Variants in ATP6V1A observed in about 807,000 individuals in gnomAD.
ATP6V1A encodes ATPase H+ transporting V1 subunit A, also known as V-type proton ATPase catalytic subunit A.
A neutral mutation model predicts 70.1 loss-of-function variants in ATP6V1A; 18 were observed. The ratio of observed to expected loss-of-function variants is 0.26; its 90% confidence interval spans 0.18 to 0.38. ATP6V1A has a LOEUF of 0.38. Ranked by LOEUF, ATP6V1A falls within the 10% of genes least tolerant of loss-of-function variation. The pLI is 1.00. For missense variants in ATP6V1A, 424 were observed against 772.4 expected (o/e 0.55, Z 5.35); for synonymous variants, 232 against 253.8 (o/e 0.91, Z 0.82).
intron 3 of ATP6V1A, among the ~76,000 whole-genome samples, chr3:113,783,924 A>G (rs1377222509): frequency 2.6e-5 from 4 of 152,154 alleles, no homozygotes; most frequent in Non-Finnish European, 5.9e-5. Flanking sequence ...ACTGAAATTA[A>G]TATTATTTTT....
At chr3:113,803,435 A>G (rs1463157239) in intron 12 of ATP6V1A, 148 bp from the exon 13 acceptor site, 5 of 637,550 alleles carry the variant, frequency 7.8e-6, no homozygotes, top group Non-Finnish European at 1.4e-5. Context: ...CAGTTTAAAA[A>G]GAACATCAAT....
chr3:113,754,942 G>A (rs574209476), intron 1 of ATP6V1A, among the ~76,000 whole-genome samples: 1 of 152,302 alleles, frequency 6.6e-6, no homozygotes, highest in Admixed American at 6.5e-5. Flanking sequence ...TGGATTTGTT[G>A]CATACTTAAA....
chr3:113,798,214 GT>G, intron 11 of ATP6V1A, 28 bp from the exon 12 acceptor site: 1 of 1,606,452 alleles, frequency 6.2e-7, no homozygotes, highest in Non-Finnish European at 8.5e-7. Flanking sequence ...AAAAATTACT[GT>G]TTTTGTGTGT....
intron 1 of ATP6V1A, among the ~76,000 whole-genome samples, chr3:113,762,120 G>C (rs1250382318): frequency 7.7e-6 from 1 of 130,332 alleles, no homozygotes; most frequent in African/African-American, 2.8e-5. Context: ...CCATTGCACT[G>C]CAGCCTGGGC....
intron 1 of ATP6V1A, among the ~76,000 whole-genome samples, chr3:113,768,657 G>T (rs1019375890): frequency 6.8e-6 from 1 of 147,390 alleles, no homozygotes; most frequent in Non-Finnish European, 1.5e-5. Flanking sequence ...GTGCAGTGGC[G>T]CAATCTCGGC....
At chr3:113,778,976 A>G (rs1349777403) in intron 2 of ATP6V1A, 141 bp downstream of exon 2, 2 of 495,268 alleles carry the variant, frequency 4.0e-6, no homozygotes, top group African/African-American at 2.0e-5. Context: ...TAGTGACTAT[A>G]AGACCGAAGT....
intron 1 of ATP6V1A, among the ~76,000 whole-genome samples, chr3:113,771,274 TAAAG>T (rs937657094): frequency 6.6e-6 from 1 of 152,086 alleles, no homozygotes; most frequent in African/African-American, 2.4e-5. Context: ...TCACAGATAA[TAAAG>T]AAGAGTTATA....
intron 1 of ATP6V1A, among the ~76,000 whole-genome samples, chr3:113,771,494 G>T (rs1252715014): frequency 7.0e-6 from 1 of 142,962 alleles, no homozygotes; most frequent in African/African-American, 2.7e-5. Flanking sequence ...CTGGTGTGCA[G>T]TGACGTGATC....
chr3:113,799,507 C>G (rs945599192), intron 12 of ATP6V1A, among the ~76,000 whole-genome samples: 4 of 152,152 alleles, frequency 2.6e-5, no homozygotes, highest in Non-Finnish European at 4.4e-5. Context: ...CATTTAAAAA[C>G]TAGGATTAAG....
chr3:113,766,902 C>T (rs1708778039), intron 1 of ATP6V1A, among the ~76,000 whole-genome samples: 1 of 152,074 alleles, frequency 6.6e-6, no homozygotes, highest in African/African-American at 2.4e-5. Flanking sequence ...TTATTTATTA[C>T]ATACCTAGGT....
intron 1 of ATP6V1A, among the ~76,000 whole-genome samples, chr3:113,763,733 A>G (rs1375021620): frequency 6.6e-6 from 1 of 152,160 alleles, no homozygotes. Context: ...CTGTCCTGCA[A>G]TTTCTGGAAT....
chr3:113,765,021 A>G (rs1287064805), intron 1 of ATP6V1A, among the ~76,000 whole-genome samples: 2 of 149,280 alleles, frequency 1.3e-5, no homozygotes, highest in Admixed American at 6.7e-5. Flanking sequence ...AAAAAGCAGG[A>G]ATTTCTTACC....
intron 1 of ATP6V1A, among the ~76,000 whole-genome samples, chr3:113,770,568 A>G (rs1452214246): frequency 3.3e-5 from 5 of 152,024 alleles, no homozygotes; most frequent in Admixed American, 6.5e-5. Context: ...AGTCCCAGCT[A>G]CTTGGGAGGC....
At chr3:113,766,317 A>G (rs982020041) in intron 1 of ATP6V1A, among the ~76,000 whole-genome samples, 4 of 151,784 alleles carry the variant, frequency 2.6e-5, no homozygotes, top group Non-Finnish European at 4.4e-5. Flanking sequence ...GCTTCCCTTG[A>G]GACAGTCTCG....
In ATP6V1A at chr3:113,784,299, G is replaced by C; in HGVS notation, c.287G>C (p.Gly96Ala). The C allele has an allele frequency of 6.2e-7, 1 of 1,614,136 alleles. No homozygotes were observed. Among genetic ancestry groups the C allele is most frequent in the Non-Finnish European group, 8.5e-7 (1 of 1,180,002 alleles). ...GTAGAGCTTGGTCCTGGCATTATGG[G>C]AGCCATTTTTGATGGTATTCAAAGA... ...LSVELGPGIM[G>A]AIFDGIQRPL... is the part of the protein sequence containing the mutation. Residue 96 changes from glycine to alanine, a missense_variant, in exon 4 of 15, where the codon GGA (glycine) becomes GCA (alanine). Coordinates refer to ENST00000273398, the MANE Select transcript of ATP6V1A (RefSeq NM_001690.4).
intron 8 of ATP6V1A, among the ~76,000 whole-genome samples, chr3:113,790,465 T>A (rs1559757937): frequency 6.6e-6 from 1 of 152,178 alleles, no homozygotes; most frequent in Non-Finnish European, 1.5e-5. Flanking sequence ...TAAATATACT[T>A]GTACCTTTGT....
At position 113,765,420 on chromosome 3, in the gene ATP6V1A, T is replaced by C. The variant is rs568175901; in HGVS notation, c.-13-13321T>C. Among the ~76,000 whole-genome samples the C allele has an allele frequency of 4.6e-3, 656 of 143,376 alleles. 7 individuals carry two copies. Among genetic ancestry groups the C allele is most frequent in the South Asian group, 0.018 (82 of 4,464 alleles). The allele number at this position is 143,376 out of a possible 152,430, so 94.1% of individuals were successfully genotyped here. A position where few individuals can be genotyped will look rare whatever the true frequency, so the allele number is the denominator to read the frequency against. The stretch of plus-strand genomic sequence containing the variant: ...AGGAGTTCAAGACCAGCCTGACCAA[T>C]GTGGTGAAACCCCATCTCTACTAAA... On this transcript the variant is annotated intron_variant, in intron 1 of 14. Transcript: ENST00000273398.
At chr3:113,780,625 A>G in intron 2 of ATP6V1A, 3 of 597,278 alleles carry the variant, frequency 5.0e-6, no homozygotes, top group Non-Finnish European at 7.5e-6. Flanking sequence ...CTCAAAGGAA[A>G]TGGTAACAGC....
intron 5 of ATP6V1A, 36 bp downstream of exon 5, chr3:113,784,869 T>C (rs760254192): frequency 1.2e-6 from 2 of 1,600,308 alleles, no homozygotes; most frequent in South Asian, 2.2e-5. Flanking sequence ...GCAGAGTGCC[T>C]CTATTTCTAT....
Sources: allele counts gnomAD v4.1 joint callset (sites outside exome capture counted in the v4.1 genomes callset), GRCh38; gene constraint gnomAD v4.1.1; transcripts MANE v1.5; gene names NCBI Gene and HGNC (gene_info 2026-07-23, HGNC 2026-07-21).